The following DNAH17 variants were observed in gnomAD, a reference collection of about 807,000 sequenced individuals.
DNAH17 encodes axonemal beta dynein heavy chain 17.
A neutral mutation model predicts 485.6 loss-of-function variants in DNAH17; 376 were observed. The observed-to-expected ratio is 0.77, with a 90% confidence interval of 0.71 to 0.84. The LOEUF is 0.84. Ranked by LOEUF, DNAH17 falls within the 40% of genes least tolerant of loss-of-function variation. The pLI is 0.00. For missense variants in DNAH17, 6,370 were observed against 5,839.3 expected (o/e 1.09, Z -2.96); for synonymous variants, 3,031 against 2,405.9 (o/e 1.26, Z -7.60).
chr17:78,558,848 A>G (rs963460181), intron 13 of DNAH17, among the ~76,000 whole-genome samples: 15 of 152,202 alleles, frequency 9.9e-5, no homozygotes, highest in Non-Finnish European at 2.2e-4. Context: ...CCACAAAGCT[A>G]TTCTCAAAGT....
intron 16 of DNAH17, among the ~76,000 whole-genome samples, chr17:78,549,881 C>T (rs1235866262): frequency 6.6e-6 from 1 of 152,146 alleles, no homozygotes; most frequent in South Asian, 2.1e-4. Flanking sequence ...TTCAGAAGCC[C>T]GTGGGGTTTG....
intron 26 of DNAH17, among the ~76,000 whole-genome samples, chr17:78,512,177 T>TA (rs2090652354): frequency 6.6e-6 from 1 of 152,214 alleles, no homozygotes; most frequent in African/African-American, 2.4e-5. Context: ...CCTGCATAGG[T>TA]ACGGATCTCT....
rs746716825 is a variant in DNAH17, at chr17:78,502,624, A to C, written c.5157T>G (p.Tyr1719Ter). ...TGTTATAATCTCTGATAGCGTTTTC[A>C]TAGCCTTCCTCCAGCCTGGCAAATG... ...GLAFARLEEG[Y>*]ENAIRDYNKK... The change falls in exon 33 of 81, where the codon TAT (tyrosine) becomes TAG (stop). Residue 1719 changes from tyrosine to a stop codon, truncating the protein, a stop_gained. Transcript: ENST00000389840. LOFTEE classifies it high-confidence loss of function. 6.2e-7 allele frequency: 1 copy of C among 1,613,410 alleles called. No individual in the cohort carries two copies. The highest frequency in any genetic ancestry group is 1.1e-5 in the South Asian group (1 of 91,044).
intron 64 of DNAH17, 115 bp from the exon 65 acceptor site, chr17:78,453,580 AC>A: frequency 1.5e-6 from 2 of 1,367,522 alleles, no homozygotes; most frequent in Middle Eastern, 2.6e-4. Flanking sequence ...GCGAGGGGTG[AC>A]CTAGGAGCCC....
chr17:78,566,998 C>G lies in DNAH17; in HGVS notation c.1452+1G>C. The stretch of plus-strand genomic sequence containing the variant: ...TCATCCAACCCTGCCCGAGGACCTA[C>G]CGAGTCTCCAGGGTCCAAGGGATCA... On this transcript the variant is annotated splice_donor_variant, in intron 10 of 80. Transcript: ENST00000389840. LOFTEE classifies it high-confidence loss of function. The G allele has an allele frequency of 6.2e-7, 1 of 1,609,290 alleles. No individual in the cohort carries two copies. Among genetic ancestry groups the G allele is most frequent in the Non-Finnish European group, 8.5e-7 (1 of 1,177,358 alleles).
chr17:78,572,483 G>A (rs573396346), intron 3 of DNAH17, among the ~76,000 whole-genome samples: 1 of 152,092 alleles, frequency 6.6e-6, no homozygotes, highest in Non-Finnish European at 1.5e-5. Context: ...AGCCCCAGGG[G>A]CTGCAGAGCC....
intron 47 of DNAH17, 74 bp from the exon 48 acceptor site, chr17:78,485,107 C>G (rs1179366141): frequency 6.7e-7 from 1 of 1,486,426 alleles, no homozygotes; most frequent in Non-Finnish European, 8.9e-7. Context: ...AGGGGCGCTA[C>G]CTGCTTCCCC....
chr17:78,441,287 G>T (rs1448022997), intron 71 of DNAH17, 88 bp from the exon 72 acceptor site: 4 of 1,490,512 alleles, frequency 2.7e-6, no homozygotes, highest in Non-Finnish European at 3.6e-6. Context: ...CAGGCAGGGG[G>T]GCCATTTTTT....
At chr17:78,445,795 T>C in intron 69 of DNAH17, 115 bp from the exon 70 acceptor site, 5 of 1,148,752 alleles carry the variant, frequency 4.4e-6, no homozygotes, top group Non-Finnish European at 6.1e-6. Context: ...GGGGGCGCCC[T>C]GTCCTGCCCC....
chr17:78,547,676 G>A (rs974217092), intron 16 of DNAH17, among the ~76,000 whole-genome samples: 1 of 149,162 alleles, frequency 6.7e-6, no homozygotes, highest in Non-Finnish European at 1.5e-5. Flanking sequence ...GGAGTGCAGT[G>A]GTGTGACCTC....
At chr17:78,515,187 C>T (rs1176834447) in intron 25 of DNAH17, among the ~76,000 whole-genome samples, 165 bp from the exon 26 acceptor site, 1 of 152,158 alleles carries the variant, frequency 6.6e-6, no homozygotes, top group African/African-American at 2.4e-5. Context: ...GAAAAAACAA[C>T]CGTGGCGTCA....
rs796093246 is a variant in DNAH17 at position 78,500,136 on chromosome 17, C to T, written c.5640+169G>A. 14 of 722,914 alleles carry T rather than the reference C, an allele frequency of 1.9e-5. No individual in the cohort carries two copies. The African/African-American group carries it at 2.4e-4, about 12-fold the overall frequency. The allele number at this position is 722,914 out of a possible 1,614,324, so 44.8% of individuals were successfully genotyped here. ...CCTGGAAGTCTTTCCAGAGGGACCA[C>T]CTGAGGGGGATGCTACCAGCAAGTG... On this transcript the variant is annotated intron_variant, in intron 36 of 80. Coordinates refer to ENST00000389840, the MANE Select transcript of DNAH17 (RefSeq NM_173628.4).
chr17:78,505,166 G>A (rs2090446281), intron 31 of DNAH17, 127 bp downstream of exon 31: 1 of 1,245,830 alleles, frequency 8.0e-7, no homozygotes, highest in Non-Finnish European at 1.1e-6. Context: ...GAGAGGAGAG[G>A]AGCAGGGGCG....
intron 12 of DNAH17, 65 bp from the exon 13 acceptor site, chr17:78,561,000 C>A: frequency 6.9e-7 from 1 of 1,459,352 alleles, no homozygotes; most frequent in Non-Finnish European, 9.2e-7. Flanking sequence ...TCGGCACGTC[C>A]CATCGTTGCT....
chr17:78,535,901 G>A (rs2091361127), intron 19 of DNAH17, among the ~76,000 whole-genome samples: 1 of 152,088 alleles, frequency 6.6e-6, no homozygotes, highest in Non-Finnish European at 1.5e-5. Flanking sequence ...AAACATTTAG[G>A]TCACTTAAGT....
chr17:78,455,140 C>T (rs1483550422), intron 63 of DNAH17, among the ~76,000 whole-genome samples: 1 of 152,120 alleles, frequency 6.6e-6, no homozygotes, highest in East Asian at 1.9e-4. Context: ...GAACTCCTGA[C>T]CTCAGGTGAT....
Position 78,569,531 on chromosome 17 carries a change from G to T in DNAH17, c.1045-4C>A. On this transcript the variant is annotated splice_region_variant and splice_polypyrimidine_tract_variant and intron_variant, in intron 7 of 80. Coordinates refer to ENST00000389840, the MANE Select transcript of DNAH17 (RefSeq NM_173628.4). Reference sequence around the variant, plus strand: ...CCGGGCTCAGGAAGGTTCGTGTCTGGGCAAAAGAGAAGACAGACATCTAAA... The same window carrying T: ...CCGGGCTCAGGAAGGTTCGTGTCTGTGCAAAAGAGAAGACAGACATCTAAA... The T allele has an allele frequency of 6.2e-7, 1 of 1,601,336 alleles. No individual in the cohort carries two copies. Among genetic ancestry groups the T allele is most frequent in the East Asian group, 2.2e-5 (1 of 44,472 alleles).
intron 11 of DNAH17, among the ~76,000 whole-genome samples, chr17:78,562,813 G>C (rs1194164797): frequency 2.0e-5 from 3 of 152,196 alleles, no homozygotes; most frequent in African/African-American, 7.2e-5. Context: ...ATCAGGAAAT[G>C]TGTTTCGCTC....
intron 57 of DNAH17, 92 bp downstream of exon 57, chr17:78,462,752 G>A (rs2088200038): frequency 3.1e-6 from 4 of 1,295,672 alleles, no homozygotes; most frequent in African/African-American, 2.9e-5. Context: ...GAGCCCCAGT[G>A]TGACCAGCCC....
Sources: allele counts gnomAD v4.1 joint callset (sites outside exome capture counted in the v4.1 genomes callset), GRCh38; gene constraint gnomAD v4.1.1; transcripts MANE v1.5; gene names NCBI Gene and HGNC (gene_info 2026-07-23, HGNC 2026-07-21).